Variants in BRCA1 observed in about 807,000 individuals in gnomAD.
BRCA1 encodes the protein breast cancer type 1 susceptibility protein.
In BRCA1, 140 loss-of-function variants were observed where a neutral mutation model predicts 173.7. The ratio of observed to expected loss-of-function variants is 0.81; its 90% confidence interval spans 0.70 to 0.93. The LOEUF (loss-of-function observed/expected upper bound fraction) is 0.93. Among genes scored for constraint, BRCA1 ranks in the 40% least tolerant of loss-of-function variants. The pLI, the probability that BRCA1 is intolerant of heterozygous loss-of-function variation, is 0.00. For synonymous variants in BRCA1, 662 were observed against 756.0 expected, an observed-to-expected ratio of 0.88 and a Z score of 2.04; for missense variants, 1,983 against 2,172.5, an observed-to-expected ratio of 0.91 and a Z score of 1.73.
chr17:43,125,051 C>T, intron 1 of BRCA1: 1 of 430,874 alleles, frequency 2.3e-6, no homozygotes, highest in South Asian at 1.7e-5. Context: ...ACGAGGATTC[C>T]CCCACGGACA....
At chr17:43,123,110 C>T (rs2055656683) in intron 2 of BRCA1, among the ~76,000 whole-genome samples, 1 of 151,544 alleles carries the variant, frequency 6.6e-6, no homozygotes, top group South Asian at 2.1e-4. Flanking sequence ...GCACACCTAT[C>T]GTCCCTGCTA....
At chr17:43,071,876 C>T (rs1022084162) in intron 14 of BRCA1, among the ~76,000 whole-genome samples, 43 of 150,212 alleles carry the variant, frequency 2.9e-4, no homozygotes, top group Admixed American at 2.5e-3. Context: ...GGCGTGGTGG[C>T]GGGCGCCTGT....
chr17:43,147,878 A>C (rs2056133925), intron 1 of BRCA1, among the ~76,000 whole-genome samples: 1 of 152,120 alleles, frequency 6.6e-6, no homozygotes, highest in Non-Finnish European at 1.5e-5. Context: ...CCCCTGGCCT[A>C]GCCTGATGCC....
intron 11 of BRCA1, among the ~76,000 whole-genome samples, chr17:43,086,761 C>T (rs1256412455): frequency 6.6e-6 from 1 of 152,262 alleles, no homozygotes; most frequent in East Asian, 1.9e-4. Context: ...TTGACAGAGT[C>T]CCAAACCCAC....
chr17:43,055,921 C>G (rs2051436803), intron 19 of BRCA1, among the ~76,000 whole-genome samples: 1 of 152,142 alleles, frequency 6.6e-6, no homozygotes, highest in Non-Finnish European at 1.5e-5. Context: ...GCCTGGGTGA[C>G]AGAGTAAGAC....
At chr17:43,083,911 T>C (rs1450049148) in intron 11 of BRCA1, among the ~76,000 whole-genome samples, 1 of 152,124 alleles carries the variant, frequency 6.6e-6, no homozygotes, top group Admixed American at 6.5e-5. Flanking sequence ...TGCCCCAGGC[T>C]GGAGTGCAGT....
At chr17:43,101,155 A>G (rs1276731158) in intron 6 of BRCA1, among the ~76,000 whole-genome samples, 2 of 151,518 alleles carry the variant, frequency 1.3e-5, no homozygotes, top group African/African-American at 4.9e-5. Flanking sequence ...TTAGCTCTAT[A>G]TCTTTTGAAA....
chr17:43,128,585 TGA>T (rs750674976), upstream of BRCA1, among the ~76,000 whole-genome samples: 3 of 152,032 alleles, frequency 2.0e-5, no homozygotes, highest in African/African-American at 4.8e-5. Context: ...GCAAAGAAAA[TGA>T]GAGAGAGTCC....
chr17:43,144,110 C>G (rs1263803971), intron 1 of BRCA1: 2 of 165,892 alleles, frequency 1.2e-5, no homozygotes, highest in Non-Finnish European at 2.6e-5. Context: ...GTAGTCCCAC[C>G]TACTCGGGAG....
intron 1 of BRCA1, among the ~76,000 whole-genome samples, chr17:43,149,265 GTTTTT>G (rs57452879): frequency 8.6e-6 from 1 of 116,926 alleles, no homozygotes. Context: ...CACCGGGCTA[GTTTTT>G]TTTTTTTTTT....
chr17:43,051,563 C>G (rs2051237975), intron 19 of BRCA1, among the ~76,000 whole-genome samples: 1 of 151,796 alleles, frequency 6.6e-6, no homozygotes. Flanking sequence ...CTTGGTACCT[C>G]AAGTACTCAC....
chr17:43,144,842 G>A (rs2056107435), intron 1 of BRCA1: 4 of 481,204 alleles, frequency 8.3e-6, no homozygotes, highest in Admixed American at 2.6e-5. Flanking sequence ...CCAACATAGC[G>A]AGAGCAGCTC....
At chr17:43,063,722 T>A in intron 17 of BRCA1, 152 bp downstream of exon 17, 1 of 687,018 alleles carries the variant, frequency 1.5e-6, no homozygotes, top group Non-Finnish European at 2.6e-6. Flanking sequence ...AACAAAGTGA[T>A]ATTAAAGATA....
chr17:43,100,641 TATAAC>T lies in BRCA1; in HGVS notation c.442-766_442-762del, dbSNP rs1567807415. 4.9e-4 allele frequency among the ~76,000 whole-genome samples: 32 copies of T among 64,864 alleles called. 1 individual carries two copies. The highest frequency in any genetic ancestry group is 3.8e-3 in the Admixed American group (15 of 3,970). 42.6% of individuals were successfully genotyped at this position (64,864 alleles called of 152,430 possible). The stretch of plus-strand genomic sequence containing the variant: ...ATAACATATATATATGTTATATATA[TATAAC>T]ATATATATAACATATATATATATAT... On this transcript the variant is annotated intron_variant, in intron 6 of 22. Transcript: ENST00000357654.
chr17:43,049,145 C>G lies in BRCA1; in HGVS notation c.5382G>C (p.Glu1794Asp), dbSNP rs397509275. Reference protein sequence around the residue: ...VQLCGASVVKELSSFTLGTGV... With the variant: ...VQLCGASVVKDLSSFTLGTGV... ...CTGTGCCAAGGGTGAATGATGAAAG[C>G]TCCTTCACCACAGAAGCACCACACA... is the stretch of plus-strand genomic sequence containing the variant. Residue 1794 changes from glutamate (E) to aspartate (D), a missense_variant, in exon 21 of 23, where the codon GAG (glutamate) becomes GAC (aspartate). By Grantham distance (45) the Glu-to-Asp change is conservative. Coordinates refer to ENST00000357654, the MANE Select transcript of BRCA1 (RefSeq NM_007294.4). 6.2e-6 allele frequency: 10 copies of G among 1,614,084 alleles called. No individual in the cohort carries two copies. The highest frequency in any genetic ancestry group is 8.5e-6 in the Non-Finnish European group (10 of 1,179,964).
chr17:43,078,366 T>G (rs2052838582), intron 12 of BRCA1, among the ~76,000 whole-genome samples: 1 of 152,218 alleles, frequency 6.6e-6, no homozygotes, highest in African/African-American at 2.4e-5. Context: ...ATTATAGGCA[T>G]GAGCCACCAT....
intron 1 of BRCA1, among the ~76,000 whole-genome samples, chr17:43,130,545 C>T (rs1009878687): frequency 1.3e-5 from 2 of 152,170 alleles, no homozygotes; most frequent in African/African-American, 4.8e-5. Context: ...AACTCCTGGA[C>T]TCAAGCGATC....
At chr17:43,138,383 A>G (rs754850568) in intron 1 of BRCA1, 15 of 516,020 alleles carry the variant, frequency 2.9e-5, no homozygotes, top group African/African-American at 1.3e-4. Flanking sequence ...TGTTTCTCCA[A>G]TCAACTCAGG....
chr17:43,066,356 A>G (rs574422664), intron 16 of BRCA1, among the ~76,000 whole-genome samples: 78 of 152,144 alleles, frequency 5.1e-4, no homozygotes, highest in African/African-American at 1.8e-3. Flanking sequence ...ACTCTCAACA[A>G]TACTCAAACT....
Sources: allele counts gnomAD v4.1 joint callset (sites outside exome capture counted in the v4.1 genomes callset), GRCh38; gene constraint gnomAD v4.1.1; transcripts MANE v1.5; gene names NCBI Gene and HGNC (gene_info 2026-07-23, HGNC 2026-07-21).